PARN: variants seen among roughly 807,000 people sequenced by gnomAD.
PARN encodes poly(A)-specific ribonuclease.
In PARN, 71 loss-of-function variants were observed where a neutral mutation model predicts 102.8. The ratio of observed to expected loss-of-function variants is 0.69; its 90% CI spans 0.57 to 0.84. The LOEUF (loss-of-function observed/expected upper bound fraction) is 0.84, where lower values mean the gene tolerates loss of function less well. PARN is among the 40% of genes least tolerant of loss of function. The probability of loss-of-function intolerance (pLI) is 0.00; values close to 1 mark genes in which losing one functional copy is unlikely to be tolerated. For missense variants in PARN, 782 were observed against 760.9 expected (o/e 1.03, Z -0.33); for synonymous variants, 261 against 252.9 (o/e 1.03, Z -0.30).
At chr16:14,442,535 A>G (rs191286116) in intron 23 of PARN, among the ~76,000 whole-genome samples, 2 of 152,326 alleles carry the variant, frequency 1.3e-5, no homozygotes, top group African/African-American at 4.8e-5. Flanking sequence ...TGCTGAGTAC[A>G]TAGTATACAC....
chr16:14,474,878 A>C (rs1962952375), intron 22 of PARN, among the ~76,000 whole-genome samples: 1 of 152,232 alleles, frequency 6.6e-6, no homozygotes, highest in South Asian at 2.1e-4. Flanking sequence ...TGGGTCCTGG[A>C]ATATGATCTG....
chr16:14,593,941 G>A (rs1193970054), intron 12 of PARN, among the ~76,000 whole-genome samples: 4 of 151,728 alleles, frequency 2.6e-5, no homozygotes, highest in Admixed American at 6.6e-5. Context: ...AGGCTGCAGT[G>A]AGCCAAGATT....
chr16:14,603,230 T>C (rs1433138629), intron 11 of PARN, among the ~76,000 whole-genome samples: 1 of 152,162 alleles, frequency 6.6e-6, no homozygotes, highest in Non-Finnish European at 1.5e-5. Context: ...ACCTGGCCTC[T>C]AACTGGCACC....
At chr16:14,586,948 T>G (rs1969895811) in intron 13 of PARN, among the ~76,000 whole-genome samples, 1 of 152,212 alleles carries the variant, frequency 6.6e-6, no homozygotes, top group African/African-American at 2.4e-5. Flanking sequence ...GTGCCTAGAT[T>G]AGACAATTCA....
intron 21 of PARN, among the ~76,000 whole-genome samples, chr16:14,538,545 T>G (rs143461283): frequency 1.9e-3 from 287 of 152,172 alleles, no homozygotes; most frequent in African/African-American, 6.8e-3. Flanking sequence ...TCAATGAGAT[T>G]GATGTACTTC....
chr16:14,627,822 A>C (rs1172212361), intron 3 of PARN, among the ~76,000 whole-genome samples: 1 of 152,274 alleles, frequency 6.6e-6, no homozygotes, highest in African/African-American at 2.4e-5. Context: ...ACCGATCTCT[A>C]CAAAAGAATA....
chr16:14,568,266 G>A (rs972796700), intron 18 of PARN, among the ~76,000 whole-genome samples: 1 of 147,094 alleles, frequency 6.8e-6, no homozygotes, highest in Non-Finnish European at 1.5e-5. Flanking sequence ...AGGCTGCGGT[G>A]CAGTGGCACG....
intron 21 of PARN, among the ~76,000 whole-genome samples, chr16:14,487,187 A>G (rs1963760045): frequency 2.6e-5 from 4 of 152,260 alleles, no homozygotes; most frequent in Admixed American, 2.6e-4. Flanking sequence ...CACCACACAA[A>G]TAAAGAGACT....
chr16:14,555,682 G>T lies in PARN; in HGVS notation c.1290C>A (p.Ile430=). ...NKLFLMRVMD[I]PYLNLEGPDL... is the part of the protein sequence containing the mutation. ...CTGGTCCTTCCAAGTTTAGATAGGG[G>T]ATATCCATGACCCTCATAAGAAATA... Residue 430 remains isoleucine (I), a synonymous_variant, in exon 19 of 24, where the codon ATC becomes ATA. Transcript: ENST00000437198. 2.0e-6 allele frequency: 3 copies of T among 1,487,978 alleles called. No individual in the cohort carries two copies. The highest frequency in any genetic ancestry group is 2.7e-6 in the Non-Finnish European group (3 of 1,093,826). The allele number at this position is 1,487,978 out of a possible 1,614,324, so 92.2% of individuals were successfully genotyped here. A position where few individuals can be genotyped will look rare whatever the true frequency, so the allele number is the denominator to read the frequency against.
rs1230931001 is a variant in PARN, at chr16:14,593,330, C to T, written c.889G>A (p.Val297Ile). ...HNMLLDVMHT[V>I]HQFYCPLPAD... Reference sequence around the variant, plus strand: ...GGCAGAGGGCAGTAGAACTGATGAACTGTGTGCATGACGTCCAAGAGCATA... The same window carrying T: ...GGCAGAGGGCAGTAGAACTGATGAATTGTGTGCATGACGTCCAAGAGCATA... Residue 297 changes from valine (V) to isoleucine (I), a missense_variant, in exon 13 of 24, where the codon GTT (valine) becomes ATT (isoleucine). Coordinates refer to ENST00000437198, the MANE Select transcript of PARN (RefSeq NM_002582.4). The T allele has an allele frequency of 3.7e-6, 6 of 1,606,524 alleles. No homozygotes were observed. Among genetic ancestry groups the T allele is most frequent in the Non-Finnish European group, 5.1e-6 (6 of 1,173,320 alleles).
chr16:14,540,702 C>A (rs1202148766), intron 21 of PARN, among the ~76,000 whole-genome samples: 1 of 151,968 alleles, frequency 6.6e-6, no homozygotes. Flanking sequence ...CTGAGGCAGG[C>A]AGATTGCTGG....
chr16:14,558,696 G>A (rs1019555837), intron 18 of PARN, among the ~76,000 whole-genome samples: 3 of 152,002 alleles, frequency 2.0e-5, no homozygotes, highest in Non-Finnish European at 2.9e-5. Context: ...AAATAACTAC[G>A]AAAATGTCAA....
intron 18 of PARN, among the ~76,000 whole-genome samples, chr16:14,556,439 C>T (rs914195653): frequency 3.3e-5 from 5 of 152,120 alleles, no homozygotes; most frequent in African/African-American, 1.2e-4. Context: ...CAATTACAGG[C>T]GTGAGCCACT....
rs1567277122 is a variant in PARN at position 14,435,740 on chromosome 16, C to T, written c.*977G>A. ...TTTTAATTTTCATCTTTTGGAAATA[C>T]ATTTTTCATTTTTATTTCCACCATA... is the stretch of plus-strand genomic sequence containing the variant. On this transcript the variant is annotated 3_prime_UTR_variant, in exon 24 of 24. Transcript: ENST00000437198. The T allele has an allele frequency of 6.6e-6, 1 of 152,086 alleles. No homozygotes were observed. The highest frequency in any genetic ancestry group is 2.1e-4 in the South Asian group (1 of 4,808). 9.4% of individuals were successfully genotyped at this position (152,086 alleles called of 1,614,324 possible). A position where few individuals can be genotyped will look rare whatever the true frequency, so the allele number is the denominator to read the frequency against.
intron 20 of PARN, among the ~76,000 whole-genome samples, chr16:14,552,783 T>C (rs1967396722): frequency 6.6e-6 from 1 of 152,020 alleles, no homozygotes; most frequent in South Asian, 2.1e-4. Context: ...ACCCCAACTC[T>C]GCTAAAAATA....
In PARN at chr16:14,532,133, A is replaced by G. The variant is rs114136386; in HGVS notation, c.1480+19888T>C. ...GAATAAATAAATCCCCCCAACCAAC[A>G]TGACAGCAAAGTTTATACAAGGCAC... On this transcript the variant is annotated intron_variant, in intron 21 of 23. Transcript: ENST00000437198. Among the ~76,000 whole-genome samples, 649 of 151,564 alleles carry G rather than the reference A, an allele frequency of 4.3e-3. 7 individuals carry two copies. The highest frequency in any genetic ancestry group is 0.015 in the African/African-American group (610 of 41,376).
rs375964590 is a variant in PARN at position 14,628,181 on chromosome 16, C to A, written c.168G>T (p.Lys56Asn). 1.3e-6 allele frequency: 2 copies of A among 1,586,638 alleles called. No individual in the cohort carries two copies. Among genetic ancestry groups the A allele is most frequent in the Non-Finnish European group, 8.6e-7 (1 of 1,156,354 alleles). ...GFDTPEERYQ[K>N]LKKHSMDFLL... Reference sequence around the variant, plus strand: ...TAGCACATCCACTTGCCTTTTTAAGCTTCTGATACCTCTCTTCTGGAGTGT... The same window carrying A: ...TAGCACATCCACTTGCCTTTTTAAGATTCTGATACCTCTCTTCTGGAGTGT... Residue 56 changes from lysine to asparagine, a missense_variant, in exon 3 of 24, where the codon AAG (lysine) becomes AAT (asparagine). Coordinates refer to ENST00000437198, the MANE Select transcript of PARN (RefSeq NM_002582.4).
At chr16:14,457,500 A>G (rs141919118) in intron 22 of PARN, among the ~76,000 whole-genome samples, 6 of 152,232 alleles carry the variant, frequency 3.9e-5, no homozygotes, top group African/African-American at 1.2e-4. Flanking sequence ...TATTTCTAAT[A>G]AAGAATTTGA....
rs1485824817 is a variant in PARN, at chr16:14,436,341, T to C, written c.*376A>G. On this transcript the variant is annotated 3_prime_UTR_variant, in exon 24 of 24. Transcript: ENST00000437198. ...GGACAGTACACCCCCAAATTCATGATCACAGCAGCTGGAATGTCAGCTCTT... is the reference window on the plus strand; with the variant it reads ...GGACAGTACACCCCCAAATTCATGACCACAGCAGCTGGAATGTCAGCTCTT... 4.2e-6 allele frequency: 1 copy of C among 239,548 alleles called. No individual in the cohort carries two copies. Among genetic ancestry groups the C allele is most frequent in the East Asian group, 9.6e-5 (1 of 10,410 alleles). 14.8% of individuals were successfully genotyped at this position (239,548 alleles called of 1,614,324 possible).
Sources: gnomAD v4.1 joint callset for allele counts (sites outside exome capture counted in the v4.1 genomes callset) on GRCh38, gnomAD v4.1.1 for gene constraint, MANE v1.5 for transcripts, NCBI Gene and HGNC (gene_info 2026-07-23, HGNC 2026-07-21) for gene names.